Variants in MTDH observed in about 807,000 individuals in gnomAD.
MTDH encodes the protein protein LYRIC.
Under a neutral mutation model 72.7 loss-of-function variants are expected in MTDH, and 34 were observed. The ratio of observed to expected loss-of-function variants is 0.47; its 90% CI spans 0.36 to 0.62. The LOEUF is 0.62. Among genes scored for constraint, MTDH ranks in the 20% least tolerant of loss-of-function variants. The probability of loss-of-function intolerance (pLI) is 0.00; values close to 1 mark genes in which losing one functional copy is unlikely to be tolerated. For synonymous variants in MTDH, 266 were observed against 268.9 expected (o/e 0.99, Z 0.10); for missense variants, 677 against 699.4 (o/e 0.97, Z 0.36).
At chr8:97,675,202 A>G (rs184465796) in intron 2 of MTDH, among the ~76,000 whole-genome samples, 1 of 152,306 alleles carries the variant, frequency 6.6e-6, no homozygotes, top group East Asian at 1.9e-4. Context: ...AATATTAAAG[A>G]TGTCAGTTCA....
intron 2 of MTDH, among the ~76,000 whole-genome samples, chr8:97,661,515 C>A (rs1467867939): frequency 6.6e-6 from 1 of 152,066 alleles, no homozygotes. Context: ...AATTGTGTTA[C>A]CTTTGTTAGT....
intron 10 of MTDH, among the ~76,000 whole-genome samples, 191 bp downstream of exon 10, chr8:97,719,380 C>T (rs1045855449): frequency 2.0e-5 from 3 of 151,074 alleles, no homozygotes; most frequent in Non-Finnish European, 2.9e-5. Flanking sequence ...GTAACCCCAG[C>T]TACTTAGGAG....
rs1043977637 is a variant in MTDH, at chr8:97,725,105, A to G, written c.*435A>G. ...TTGAATCTGTTTTATGCTTAAATCA[A>G]AGTGCTTTGATCAAATGCATAACCT... On this transcript the variant is annotated 3_prime_UTR_variant, in exon 12 of 12. Transcript: ENST00000336273. 2.6e-5 allele frequency: 4 copies of G among 152,942 alleles called. No individual in the cohort carries two copies. The highest frequency in any genetic ancestry group is 4.8e-5 in the African/African-American group (2 of 41,466). 9.5% of individuals were successfully genotyped at this position (152,942 alleles called of 1,614,324 possible).
chr8:97,714,900 A>G (rs1234354165), intron 9 of MTDH, among the ~76,000 whole-genome samples: 1 of 151,760 alleles, frequency 6.6e-6, no homozygotes, highest in African/African-American at 2.4e-5. Context: ...ATCTCAGCTC[A>G]TTGCAGCCTC....
At chr8:97,653,458 C>T (rs1811850451) in intron 1 of MTDH, among the ~76,000 whole-genome samples, 1 of 152,156 alleles carries the variant, frequency 6.6e-6, no homozygotes, top group Non-Finnish European at 1.5e-5. Flanking sequence ...AATGACCTTA[C>T]AAAAGCTCCA....
At chr8:97,662,134 T>A (rs1416528618) in intron 2 of MTDH, among the ~76,000 whole-genome samples, 1 of 151,842 alleles carries the variant, frequency 6.6e-6, no homozygotes, top group Non-Finnish European at 1.5e-5. Flanking sequence ...AGTGGTTCCT[T>A]CTACTGTGAG....
intron 2 of MTDH, among the ~76,000 whole-genome samples, chr8:97,679,565 A>G (rs950449635): frequency 5.9e-5 from 9 of 152,220 alleles, no homozygotes; most frequent in African/African-American, 2.2e-4. Flanking sequence ...TACTTTTTCA[A>G]GTATAACAAT....
chr8:97,661,015 C>G (rs1812155183), intron 1 of MTDH, 57 bp from the exon 2 acceptor site: 5 of 1,386,736 alleles, frequency 3.6e-6, no homozygotes, highest in Non-Finnish European at 4.1e-6. Context: ...GCGTATAAAT[C>G]TTTGCACTGA....
At chr8:97,696,081 A>T (rs1185652246) in intron 6 of MTDH, 1 of 208,802 alleles carries the variant, frequency 4.8e-6, no homozygotes, top group African/African-American at 2.4e-5. Flanking sequence ...AGTAGCTATT[A>T]CTATATTAAG....
At chr8:97,718,906 G>T in intron 9 of MTDH, 143 bp from the exon 10 acceptor site, 1 of 669,688 alleles carries the variant, frequency 1.5e-6, no homozygotes, top group Non-Finnish European at 2.5e-6. Context: ...ATGTTGCCCA[G>T]GCTGGTCTCA....
chr8:97,689,464 T>TAAA (rs34009363), intron 5 of MTDH, among the ~76,000 whole-genome samples: 15 of 143,086 alleles, frequency 1.0e-4, no homozygotes, highest in East Asian at 4.0e-4. Flanking sequence ...GCTTGTATGT[T>TAAA]AAAAAAAAAA....
intron 10 of MTDH, among the ~76,000 whole-genome samples, chr8:97,720,719 T>C (rs891743102): frequency 6.1e-5 from 9 of 147,112 alleles, no homozygotes; most frequent in Non-Finnish European, 1.3e-4. Context: ...CAATCCGCAA[T>C]CTCGGCTCGC....
chr8:97,695,900 G>C (rs1445175351), intron 6 of MTDH, among the ~76,000 whole-genome samples: 1 of 152,230 alleles, frequency 6.6e-6, no homozygotes, highest in Non-Finnish European at 1.5e-5. Context: ...GCTTGGTATA[G>C]TGGAAAAGAG....
chr8:97,692,254 C>A (rs1261106465), intron 6 of MTDH, among the ~76,000 whole-genome samples: 5 of 152,184 alleles, frequency 3.3e-5, no homozygotes, highest in Non-Finnish European at 7.3e-5. Flanking sequence ...CTCCCCTAGT[C>A]CCCACTTAAC....
At chr8:97,693,967 G>A (rs1219777659) in intron 6 of MTDH, among the ~76,000 whole-genome samples, 3 of 151,582 alleles carry the variant, frequency 2.0e-5, no homozygotes, top group East Asian at 2.0e-4. Flanking sequence ...CACCTGCCTC[G>A]GCTTCTCACA....
chr8:97,654,702 T>C (rs1664551366), intron 1 of MTDH, among the ~76,000 whole-genome samples: 2 of 152,188 alleles, frequency 1.3e-5, no homozygotes, highest in African/African-American at 4.8e-5. Context: ...TAGGTATTTG[T>C]CTTAATGCTC....
intron 7 of MTDH, among the ~76,000 whole-genome samples, chr8:97,703,638 G>T (rs1385104449): frequency 6.6e-6 from 1 of 152,176 alleles, no homozygotes; most frequent in Non-Finnish European, 1.5e-5. Context: ...GTTGGTATAA[G>T]ATGAGTAGTT....
At chr8:97,644,942 C>T (rs1455915265) in intron 1 of MTDH, 55 bp downstream of exon 1, 2 of 1,475,404 alleles carry the variant, frequency 1.4e-6, no homozygotes, top group Non-Finnish European at 1.8e-6. Flanking sequence ...CGTGGAGACC[C>T]TCGAGCTTGG....
In MTDH at chr8:97,682,270, A is replaced by T. The variant is rs1407924495; in HGVS notation, c.484-4398A>T. 0.015 allele frequency among the ~76,000 whole-genome samples: 96 copies of T among 6,520 alleles called. 10 individuals are homozygous for T. In the East Asian group the frequency reaches 0.22, roughly 15 times the overall value. The allele number at this position is 6,520 out of a possible 152,430, so 4.3% of individuals were successfully genotyped here. A position where few individuals can be genotyped will look rare whatever the true frequency, so the allele number is the denominator to read the frequency against. On this transcript the variant is annotated intron_variant, in intron 2 of 11. Coordinates refer to ENST00000336273, the MANE Select transcript of MTDH (RefSeq NM_178812.4). ...TATATATATATATATATATATATAT[A>T]TATATATATATTTTTTTTTTTTTTT...
Sources: gnomAD v4.1 joint callset for allele counts (sites outside exome capture counted in the v4.1 genomes callset) on GRCh38, gnomAD v4.1.1 for gene constraint, MANE v1.5 for transcripts, NCBI Gene and HGNC (gene_info 2026-07-23, HGNC 2026-07-21) for gene names.